The following NRG3 variants were observed in gnomAD, a reference collection of about 807,000 sequenced individuals.
The protein encoded by NRG3 is neuregulin 3.
A neutral mutation model predicts 66.9 loss-of-function variants in NRG3; 31 were observed. The observed-to-expected ratio is 0.46, with a 90% CI of 0.35 to 0.63. NRG3 has a LOEUF of 0.63. Among genes scored for constraint, NRG3 ranks in the 20% least tolerant of loss-of-function variants. NRG3 has a pLI of 0.00. For missense variants in NRG3, 910 were observed against 878.9 expected, an observed-to-expected ratio of 1.04 and a Z score of -0.45; for synonymous variants, 393 against 359.4, an observed-to-expected ratio of 1.09 and a Z score of -1.06.
chr10:82,019,046 C>G (rs1021929606), intron 1 of NRG3, among the ~76,000 whole-genome samples: 16 of 152,086 alleles, frequency 1.1e-4, no homozygotes, highest in African/African-American at 3.6e-4. Flanking sequence ...AGTTTTTGCC[C>G]ATTGAGGATG....
chr10:82,376,197 C>T (rs952512729), intron 2 of NRG3, among the ~76,000 whole-genome samples: 6 of 152,152 alleles, frequency 3.9e-5, no homozygotes, highest in Non-Finnish European at 7.4e-5. Flanking sequence ...GGCTTTACAC[C>T]GGAGCTCTTC....
At chr10:82,515,636 G>A (rs1251484897) in intron 2 of NRG3, among the ~76,000 whole-genome samples, 1 of 152,172 alleles carries the variant, frequency 6.6e-6, no homozygotes, top group Non-Finnish European at 1.5e-5. Flanking sequence ...TTGTATAAAA[G>A]TTGTCTGTTC....
At chr10:82,071,042 T>C (rs945536292) in intron 1 of NRG3, among the ~76,000 whole-genome samples, 3 of 152,186 alleles carry the variant, frequency 2.0e-5, no homozygotes, top group African/African-American at 7.2e-5. Context: ...CAATAGAGGA[T>C]TGGCTACTTA....
chr10:82,109,838 A>G (rs910541221), intron 1 of NRG3, among the ~76,000 whole-genome samples: 16 of 151,720 alleles, frequency 1.1e-4, no homozygotes, highest in African/African-American at 3.9e-4. Flanking sequence ...GAACTAAAGA[A>G]CACAGTTTCA....
At chr10:82,127,913 C>T (rs903453501) in intron 1 of NRG3, among the ~76,000 whole-genome samples, 1 of 152,032 alleles carries the variant, frequency 6.6e-6, no homozygotes, top group African/African-American at 2.4e-5. Flanking sequence ...CTGTTTCCTT[C>T]ATCATAGGAA....
intron 1 of NRG3, among the ~76,000 whole-genome samples, chr10:82,049,201 C>G (rs2063468774): frequency 6.6e-6 from 1 of 152,080 alleles, no homozygotes; most frequent in African/African-American, 2.4e-5. Flanking sequence ...TTAGGAAACT[C>G]TTCTTCAAGT....
chr10:82,729,339 C>A (rs1260022337), intron 2 of NRG3, among the ~76,000 whole-genome samples: 2 of 152,232 alleles, frequency 1.3e-5, no homozygotes, highest in South Asian at 4.2e-4. Flanking sequence ...TTCATAAGGG[C>A]AATTATTATT....
At chr10:82,361,312 T>TC (rs1250914667) in intron 2 of NRG3, among the ~76,000 whole-genome samples, 1 of 152,210 alleles carries the variant, frequency 6.6e-6, no homozygotes, top group Non-Finnish European at 1.5e-5. Flanking sequence ...ACATAGCTAA[T>TC]CATGACAAAA....
intron 1 of NRG3, among the ~76,000 whole-genome samples, chr10:82,217,222 A>C (rs2484889): frequency 0.11 from 16,874 of 152,144 alleles, 1,051 homozygotes; most frequent in Middle Eastern, 0.18. Context: ...GGCTGGCCAT[A>C]TTTGTCATGT....
At position 82,594,100 on chromosome 10, in the gene NRG3, C is replaced by A. The variant is rs1481124; in HGVS notation, c.954-144477C>A. Among the ~76,000 whole-genome samples, 2,231 of 152,136 alleles carry A rather than the reference C, an allele frequency of 0.015. 134 individuals are homozygous for A. The East Asian group carries it at 0.21, about 14-fold the overall frequency. On this transcript the variant is annotated intron_variant, in intron 2 of 8. Coordinates refer to ENST00000372141, the MANE Select transcript of NRG3 (RefSeq NM_001010848.4). ...ATCAGAGCTGAGTGGAAAAATACTT[C>A]TTGGAAAACTGATTTTCCAACTAAG...
intron 1 of NRG3, among the ~76,000 whole-genome samples, chr10:82,195,252 G>GA (rs1211893120): frequency 6.6e-6 from 1 of 152,164 alleles, no homozygotes; most frequent in Non-Finnish European, 1.5e-5. Context: ...TGCAATCTTG[G>GA]AAAAAATCCT....
chr10:82,746,195 A>T (rs1379140214), intron 3 of NRG3, among the ~76,000 whole-genome samples: 1 of 152,118 alleles, frequency 6.6e-6, no homozygotes, highest in African/African-American at 2.4e-5. Flanking sequence ...CCAGACTTGT[A>T]TTTGGTTTTA....
At chr10:82,273,898 G>C (rs1244972263) in intron 1 of NRG3, among the ~76,000 whole-genome samples, 1 of 151,986 alleles carries the variant, frequency 6.6e-6, no homozygotes, top group East Asian at 1.9e-4. Flanking sequence ...GGCGATGACT[G>C]TGAGCCAGAC....
chr10:82,328,900 T>C (rs1406520493), intron 1 of NRG3, among the ~76,000 whole-genome samples: 1 of 152,250 alleles, frequency 6.6e-6, no homozygotes, highest in African/African-American at 2.4e-5. Flanking sequence ...ATGCTTATTT[T>C]TAGAAAGCCA....
intron 1 of NRG3, among the ~76,000 whole-genome samples, chr10:82,347,134 T>C (rs1389997872): frequency 2.0e-5 from 3 of 148,574 alleles, no homozygotes; most frequent in Non-Finnish European, 4.5e-5. Context: ...GCTCTTGCTT[T>C]TCTAGTTCTT....
intron 2 of NRG3, among the ~76,000 whole-genome samples, chr10:82,631,916 A>C (rs1197015021): frequency 6.6e-6 from 1 of 152,108 alleles, no homozygotes; most frequent in African/African-American, 2.4e-5. Flanking sequence ...AGCCCGGCCA[A>C]CATGGTGAAA....
chr10:82,415,678 C>T (rs925012926), intron 2 of NRG3, among the ~76,000 whole-genome samples: 5 of 152,126 alleles, frequency 3.3e-5, no homozygotes, highest in African/African-American at 4.8e-5. Flanking sequence ...AGTTGAGTCA[C>T]GCTACTCCAG....
chr10:82,950,110 C>A (rs1849383211), intron 4 of NRG3, among the ~76,000 whole-genome samples: 2 of 152,104 alleles, frequency 1.3e-5, no homozygotes, highest in African/African-American at 4.8e-5. Context: ...ATCAGTAACT[C>A]TGGGGAAAGA....
intron 3 of NRG3, among the ~76,000 whole-genome samples, chr10:82,778,811 G>A (rs1410473172): frequency 6.6e-6 from 1 of 152,118 alleles, no homozygotes; most frequent in Non-Finnish European, 1.5e-5. Context: ...GAGGAGTGGG[G>A]CAGCTGGTTG....
Sources: gnomAD v4.1 joint callset for allele counts (sites outside exome capture counted in the v4.1 genomes callset) on GRCh38, gnomAD v4.1.1 for gene constraint, MANE v1.5 for transcripts, NCBI Gene and HGNC (gene_info 2026-07-23, HGNC 2026-07-21) for gene names.